The following CNIH3 variants were observed in gnomAD, a reference collection of about 807,000 sequenced individuals.
CNIH3 encodes the protein protein cornichon homolog 3.
CNIH3 carries 14 observed loss-of-function variants against 24.1 expected under a neutral mutation model. The ratio of observed to expected loss-of-function variants is 0.58; its 90% CI spans 0.38 to 0.91. CNIH3 has a LOEUF of 0.91. Among genes scored for constraint, CNIH3 ranks in the 40% least tolerant of loss-of-function variants. The pLI is 0.00. For synonymous variants in CNIH3, 68 were observed against 73.8 expected (o/e 0.92, Z 0.40); for missense variants, 178 against 196.8 (o/e 0.90, Z 0.57).
rs183109644 is a variant in CNIH3, at chr1:224,629,841, C to T, written c.81+12586C>T. On this transcript the variant is annotated intron_variant, in intron 1 of 5. Coordinates refer to ENST00000272133, the MANE Select transcript of CNIH3 (RefSeq NM_152495.2). ...TCTCTCGGCTGGAGCAACAGCAGGA[C>T]CCACTTCATGCATTTGCTTAAGTAT... 3.2e-3 allele frequency among the ~76,000 whole-genome samples: 488 copies of T among 152,238 alleles called. 2 individuals are homozygous for T. The highest frequency in any genetic ancestry group is 5.9e-3 in the Non-Finnish European group (398 of 68,018).
At chr1:224,633,512 G>T (rs944908943) in intron 1 of CNIH3, among the ~76,000 whole-genome samples, 1 of 152,178 alleles carries the variant, frequency 6.6e-6, no homozygotes, top group East Asian at 1.9e-4. Flanking sequence ...AGGAATTTAT[G>T]GGAAGGGAAT....
rs58973007 is a variant in CNIH3 at position 224,676,361 on chromosome 1, G to A, written c.82-4597G>A. Among the ~76,000 whole-genome samples, 433 of 152,124 alleles carry A rather than the reference G, an allele frequency of 2.8e-3. 8 individuals are homozygous for A. In the East Asian group the frequency reaches 0.03, roughly 11 times the overall value. On this transcript the variant is annotated intron_variant, in intron 1 of 5. Transcript: ENST00000272133. ...GGCAGGGGACGGGGTGAGACATGGC[G>A]GGGGGGTGTTGCAGGAGGGAATTTT...
At chr1:224,580,796 A>G (rs1244501351) in intron 4 of CNIH3, among the ~76,000 whole-genome samples, 1 of 145,596 alleles carries the variant, frequency 6.9e-6, no homozygotes, top group East Asian at 2.0e-4. Flanking sequence ...ACAGAGCGAG[A>G]CTCTGTCTCA....
At chr1:224,439,875 G>A (rs1214791280) in intron 1 of CNIH3, among the ~76,000 whole-genome samples, 1 of 152,132 alleles carries the variant, frequency 6.6e-6, no homozygotes, top group African/African-American at 2.4e-5. Context: ...TGCAAGCTCC[G>A]CCTCCTGGGT....
chr1:224,734,812 G>A (rs371768097), intron 5 of CNIH3, 106 bp downstream of exon 5: 1 of 1,169,906 alleles, frequency 8.5e-7, no homozygotes, highest in African/African-American at 1.5e-5. Context: ...GCGAGGGTGG[G>A]AGTCATGGCC....
chr1:224,623,915 C>G (rs188522109), intron 1 of CNIH3, among the ~76,000 whole-genome samples: 507 of 152,288 alleles, frequency 3.3e-3, no homozygotes, highest in Non-Finnish European at 5.3e-3. Flanking sequence ...TCCCCAGGCC[C>G]TCTAAATGCT....
chr1:224,572,770 T>C (rs942474392), intron 4 of CNIH3, among the ~76,000 whole-genome samples: 2 of 152,172 alleles, frequency 1.3e-5, no homozygotes, highest in Non-Finnish European at 2.9e-5. Flanking sequence ...AAAGGATGTC[T>C]TTTCATTTAT....
At chr1:224,617,806 G>A (rs114141695) in intron 1 of CNIH3, among the ~76,000 whole-genome samples, 1 of 152,118 alleles carries the variant, frequency 6.6e-6, no homozygotes, top group Non-Finnish European at 1.5e-5. Context: ...GGGGAAAGGC[G>A]AGAAGGAGAA....
intron 4 of CNIH3, 139 bp downstream of exon 4, chr1:224,730,713 T>C: frequency 1.7e-6 from 1 of 604,354 alleles, no homozygotes; most frequent in Non-Finnish European, 3.0e-6. Context: ...CTTTAAAGCC[T>C]GTTCCCAAAC....
At chr1:224,550,404 T>A (rs1474061562) in intron 3 of CNIH3, among the ~76,000 whole-genome samples, 1 of 152,168 alleles carries the variant, frequency 6.6e-6, no homozygotes, top group African/African-American at 2.4e-5. Context: ...TACATTAATA[T>A]CAATGTATAA....
chr1:224,535,267 C>T (rs1189635146), intron 2 of CNIH3, among the ~76,000 whole-genome samples: 2 of 152,016 alleles, frequency 1.3e-5, no homozygotes, highest in East Asian at 3.9e-4. Flanking sequence ...CATGCCGTGA[C>T]AGAGGAGGGC....
intron 3 of CNIH3, among the ~76,000 whole-genome samples, chr1:224,594,117 G>T (rs1681876466): frequency 6.6e-6 from 1 of 152,228 alleles, no homozygotes; most frequent in African/African-American, 2.4e-5. Context: ...TAATGCCACA[G>T]AACTGAACAC....
At position 224,616,327 on chromosome 1, in the gene CNIH3, A is replaced by C; in HGVS notation, c.-848A>C. ...ACCGCTACAGTTCTCGCAGTGGCAA[A>C]GGCGGCGGCGGCGGCGGCGGCAGCG... On this transcript the variant is annotated 5_prime_UTR_variant, in exon 1 of 6. Transcript: ENST00000272133. 3 of 362,776 alleles carry C rather than the reference A, an allele frequency of 8.3e-6. No homozygotes were observed. The highest frequency in any genetic ancestry group is 1.2e-5 in the Non-Finnish European group (3 of 243,152). 22.5% of individuals were successfully genotyped at this position (362,776 alleles called of 1,614,324 possible).
chr1:224,536,660 G>A (rs544871998), intron 2 of CNIH3, among the ~76,000 whole-genome samples: 36 of 152,284 alleles, frequency 2.4e-4, no homozygotes, highest in African/African-American at 8.7e-4. Context: ...AGGTGACGGG[G>A]CAGAGATGGG....
In CNIH3 at chr1:224,703,635, T is replaced by A. The variant is rs1295815157; in HGVS notation, c.198+18792T>A. The stretch of plus-strand genomic sequence containing the variant: ...AGCATTGCTGCCTTTACCTGCCTGG[T>A]TGCCTCTTTCAAGCCTCCCTACCCA... On this transcript the variant is annotated intron_variant, in intron 3 of 5. Coordinates refer to ENST00000272133, the MANE Select transcript of CNIH3 (RefSeq NM_152495.2). This position sits in a 1 kb window ranked among gnomAD's most constrained non-coding sequence, Gnocchi z 4.2. Among the ~76,000 whole-genome samples, 1 of 152,170 alleles carries A rather than the reference T, an allele frequency of 6.6e-6. No homozygotes were observed. Among genetic ancestry groups the A allele is most frequent in the Non-Finnish European group, 1.5e-5 (1 of 68,012 alleles).
chr1:224,434,978 G>A (rs1674580006), intron 1 of CNIH3: 3 of 985,414 alleles, frequency 3.0e-6, no homozygotes, highest in African/African-American at 3.5e-5. Flanking sequence ...CCACGACCCC[G>A]ACTCCTATCC....
At chr1:224,563,723 C>A (rs1314467467) in intron 3 of CNIH3, among the ~76,000 whole-genome samples, 3 of 152,144 alleles carry the variant, frequency 2.0e-5, no homozygotes, top group African/African-American at 7.2e-5. Flanking sequence ...GACTTTGAAG[C>A]TCCTTCCATT....
chr1:224,688,650 A>G (rs1686775517), intron 3 of CNIH3, among the ~76,000 whole-genome samples: 1 of 152,078 alleles, frequency 6.6e-6, no homozygotes. Flanking sequence ...ATTTTACTAC[A>G]TTTACTCCTT....
intron 2 of CNIH3, chr1:224,536,919 CAG>C (rs949837421): frequency 6.2e-4 from 94 of 152,284 alleles, no homozygotes; most frequent in African/African-American, 2.3e-3. Flanking sequence ...GAGGGAAAAA[CAG>C]TGTCTTCCTT....
Sources: allele counts gnomAD v4.1 joint callset (sites outside exome capture counted in the v4.1 genomes callset), GRCh38; gene constraint gnomAD v4.1.1; non-coding constraint Gnocchi (gnomAD v3.1); transcripts MANE v1.5; gene names NCBI Gene and HGNC (gene_info 2026-07-23, HGNC 2026-07-21).